C5: variants seen among roughly 807,000 people sequenced by gnomAD.
The protein encoded by C5 is complement C5, also known as C3 and PZP-like alpha-2-macroglobulin domain-containing protein 4.
In C5, 140 loss-of-function variants were observed where a neutral mutation model predicts 218.8. The observed-to-expected ratio is 0.64, with a 90% CI of 0.56 to 0.74. C5 has a LOEUF of 0.74. Ranked by LOEUF, C5 falls within the 30% of genes least tolerant of loss-of-function variation. C5 has a pLI of 0.00. For missense variants in C5, 1,700 were observed against 1,969.6 expected (o/e 0.86, Z 2.59); for synonymous variants, 614 against 682.3 (o/e 0.90, Z 1.56).
intron 3 of C5, among the ~76,000 whole-genome samples, chr9:121,042,539 A>C (rs1466434829): frequency 2.0e-5 from 3 of 152,260 alleles, no homozygotes; most frequent in South Asian, 4.1e-4. Flanking sequence ...TTCTACAATA[A>C]ATTATATTTT....
At chr9:121,037,061 G>C (rs931850822) in intron 4 of C5, among the ~76,000 whole-genome samples, 1 of 151,830 alleles carries the variant, frequency 6.6e-6, no homozygotes, top group African/African-American at 2.4e-5. Flanking sequence ...CACAGCGTCT[G>C]TTACATATGT....
intron 18 of C5, 72 bp downstream of exon 18, chr9:121,008,336 T>C: frequency 9.5e-7 from 1 of 1,053,914 alleles, no homozygotes; most frequent in South Asian, 1.3e-5. Context: ...AAATGGGTAG[T>C]TTCTAGATTT....
At chr9:120,997,401 A>G in intron 21 of C5, 146 bp downstream of exon 21, 3 of 658,366 alleles carry the variant, frequency 4.6e-6, no homozygotes, top group South Asian at 3.9e-5. Context: ...CAAGAATAGT[A>G]CAAAAAAAAT....
chr9:121,001,994 A>G (rs979593763), intron 20 of C5, among the ~76,000 whole-genome samples: 1 of 151,806 alleles, frequency 6.6e-6, no homozygotes, highest in Admixed American at 6.6e-5. Flanking sequence ...GGTTCAATAA[A>G]TTATAGTATA....
Position 121,005,991 on chromosome 9 carries a change from T to G in C5, c.2490A>C (p.Pro830=). The part of the protein sequence containing the change: ...FKDVFLEMNI[P]YSVVRGEQIQ... The stretch of plus-strand genomic sequence containing the variant: ...TCTGTTCTCCTCGTACAACAGAATA[T>G]GGTATATTCATTTCCAGGAAGACAT... Residue 830 remains proline, a synonymous_variant, in exon 20 of 41, where the codon CCA becomes CCC. Transcript: ENST00000223642. The G allele has an allele frequency of 6.2e-7, 1 of 1,613,604 alleles. No homozygotes were observed. Among genetic ancestry groups the G allele is most frequent in the Non-Finnish European group, 8.5e-7 (1 of 1,179,634 alleles).
intron 40 of C5, 88 bp downstream of exon 40, chr9:120,953,642 G>A (rs934209869): frequency 2.7e-5 from 34 of 1,276,122 alleles, no homozygotes; most frequent in Non-Finnish European, 3.8e-5. Context: ...TTAAGAGCAG[G>A]GCCATAAGAA....
At chr9:120,982,433 G>A (rs1185455666) in intron 26 of C5, among the ~76,000 whole-genome samples, 2 of 152,192 alleles carry the variant, frequency 1.3e-5, no homozygotes, top group African/African-American at 2.4e-5. Context: ...CCCGTTAAAC[G>A]AGAGGTCTAA....
intron 1 of C5, among the ~76,000 whole-genome samples, chr9:121,049,911 C>T (rs1233528009): frequency 2.0e-5 from 3 of 151,740 alleles, no homozygotes; most frequent in Admixed American, 6.6e-5. Context: ...AGTTTATTAT[C>T]TGGAGTTTCT....
intron 34 of C5, 134 bp from the exon 35 acceptor site, chr9:120,963,101 T>C (rs972075940): frequency 1.0e-5 from 8 of 763,986 alleles, no homozygotes; most frequent in Non-Finnish European, 1.8e-5. Flanking sequence ...GTTCCTCTTC[T>C]TGAAAAAGTC....
chr9:121,071,808 A>G, the C5 span, among the ~76,000 whole-genome samples: 3 of 152,320 alleles, frequency 2.0e-5, no homozygotes, highest in South Asian at 2.1e-4. Flanking sequence ...AAATGATTAA[A>G]CTGGGTTGCA....
At chr9:121,070,395 A>ATATG in the C5 span, among the ~76,000 whole-genome samples, 1 of 46,584 alleles carries the variant, frequency 2.1e-5, no homozygotes, top group Non-Finnish European at 5.4e-5. Flanking sequence ...ATATATATAT[A>ATATG]TATATATATA....
intron 23 of C5, 59 bp from the exon 24 acceptor site, chr9:120,989,839 T>A (rs2047063459): frequency 7.4e-7 from 1 of 1,348,952 alleles, no homozygotes; most frequent in African/African-American, 1.4e-5. Context: ...AACAGTATGT[T>A]CTCAAGAGAG....
chr9:121,056,787 G>A, the C5 span, among the ~76,000 whole-genome samples: 1 of 152,116 alleles, frequency 6.6e-6, no homozygotes, highest in Non-Finnish European at 1.5e-5. Context: ...TGTAGAGAGA[G>A]AGAGAGAAAA....
chr9:120,992,912 CTTG>C (rs1378251117), intron 22 of C5, among the ~76,000 whole-genome samples: 1 of 152,122 alleles, frequency 6.6e-6, no homozygotes, highest in Admixed American at 6.5e-5. Flanking sequence ...CCCATGAAGG[CTTG>C]TTGTTGCTCA....
the C5 span, among the ~76,000 whole-genome samples, chr9:121,059,541 A>T: frequency 6.6e-6 from 1 of 152,100 alleles, no homozygotes; most frequent in Non-Finnish European, 1.5e-5. The surrounding 1 kb of genome is among the most constrained non-coding windows in gnomAD (Gnocchi z 4.1). Context: ...AATACCTGTT[A>T]CTCATCCAGT....
the C5 span, among the ~76,000 whole-genome samples, chr9:121,066,717 G>A: frequency 2.6e-5 from 4 of 151,890 alleles, no homozygotes; most frequent in South Asian, 6.2e-4. Flanking sequence ...GGGCGAGGTG[G>A]TGCGTGCCTG....
chr9:121,053,029 G>A, upstream of C5, among the ~76,000 whole-genome samples: 1 of 152,144 alleles, frequency 6.6e-6, no homozygotes, highest in South Asian at 2.1e-4. Context: ...CAGAAATTCA[G>A]CCCATCAGAT....
At position 121,013,955 on chromosome 9, in the gene C5, G is replaced by A. The variant is rs1330170332; in HGVS notation, c.2175C>T (p.Ile725=). The A allele has an allele frequency of 1.2e-6, 2 of 1,614,154 alleles. No homozygotes were observed. Among genetic ancestry groups the A allele is most frequent in the East Asian group, 4.5e-5 (2 of 44,890 alleles). Residue 725 remains isoleucine (I), a synonymous_variant, in exon 17 of 41, where the codon ATC becomes ATT. Transcript: ENST00000223642. The stretch of plus-strand genomic sequence containing the variant: ...CGACACAACATTCAGTGAAAGCTTT[G>A]ATGCATCTTGGCCCTAAACTAATCC... ...AARISLGPRC[I]KAFTECCVVA...
chr9:120,968,396 A>G (rs1425435128), intron 33 of C5, among the ~76,000 whole-genome samples: 1 of 152,230 alleles, frequency 6.6e-6, no homozygotes, highest in African/African-American at 2.4e-5. Context: ...TAGAGCTTCC[A>G]GAAGGAATAC....
Sources: gnomAD v4.1 joint callset for allele counts (sites outside exome capture counted in the v4.1 genomes callset) on GRCh38, gnomAD v4.1.1 for gene constraint, Gnocchi (gnomAD v3.1) non-coding constraint, MANE v1.5 for transcripts, NCBI Gene and HGNC (gene_info 2026-07-23, HGNC 2026-07-21) for gene names.